GCNT2: variants seen among roughly 807,000 people sequenced by gnomAD.
GCNT2 encodes glucosaminyl (N-acetyl) transferase 2 (I blood group), also known as N-acetyllactosaminide beta-1,6-N-acetylglucosaminyl-transferase.
Under a neutral mutation model 34.2 loss-of-function variants are expected in GCNT2, and 34 were observed. The ratio of observed to expected loss-of-function variants is 1.00; its 90% CI spans 0.76 to 1.32. The LOEUF is 1.32. GCNT2 is among the 40% of genes most tolerant of loss of function. GCNT2 has a pLI of 0.00. For missense variants in GCNT2, 584 were observed against 489.4 expected, an observed-to-expected ratio of 1.19 and a Z score of -1.82; for synonymous variants, 212 against 188.0, an observed-to-expected ratio of 1.13 and a Z score of -1.04.
chr6:10,615,702 C>A lies in GCNT2; in HGVS notation c.926-5649C>A, dbSNP rs937310634. Among the ~76,000 whole-genome samples, 6 of 117,100 alleles carry A rather than the reference C, an allele frequency of 5.1e-5. No individual in the cohort carries two copies. In the South Asian group the frequency reaches 1.4e-3, roughly 28 times the overall value. The allele number at this position is 117,100 out of a possible 152,430, so 76.8% of individuals were successfully genotyped here. A position where few individuals can be genotyped will look rare whatever the true frequency, so the allele number is the denominator to read the frequency against. On this transcript the variant is annotated intron_variant, in intron 3 of 4. Coordinates refer to ENST00000495262, the MANE Select transcript of GCNT2 (RefSeq NM_145649.5). ...GTAAAGGAATAAAAGAATGGCCACT[C>A]CATAGACAGAGCAACCCCGAGGGCT...
At chr6:10,607,427 G>T (rs1051336933) in intron 3 of GCNT2, among the ~76,000 whole-genome samples, 3 of 152,184 alleles carry the variant, frequency 2.0e-5, no homozygotes, top group Non-Finnish European at 4.4e-5. Context: ...ATTCTATCAC[G>T]AGACAGCGCT....
At chr6:10,534,956 G>A (rs1016308659) in intron 3 of GCNT2, among the ~76,000 whole-genome samples, 1 of 152,160 alleles carries the variant, frequency 6.6e-6, no homozygotes, top group African/African-American at 2.4e-5. Flanking sequence ...AGCTGAGGTG[G>A]GCGGATCACC....
chr6:10,596,221 G>A (rs762889235), intron 3 of GCNT2, among the ~76,000 whole-genome samples: 3 of 152,080 alleles, frequency 2.0e-5, no homozygotes, highest in Non-Finnish European at 2.9e-5. Context: ...GGCAGAATGC[G>A]GTTTGTTAAG....
At chr6:10,562,656 GA>G (rs57868433) in intron 3 of GCNT2, among the ~76,000 whole-genome samples, 3,891 of 77,534 alleles carry the variant, frequency 0.05, 192 homozygotes, top group African/African-American at 0.16. Flanking sequence ...GAACTTCTCT[GA>G]AAAAAAAAAA....
At chr6:10,524,118 A>G (rs1761071545) in intron 1 of GCNT2, among the ~76,000 whole-genome samples, 1 of 152,134 alleles carries the variant, frequency 6.6e-6, no homozygotes, top group African/African-American at 2.4e-5. Flanking sequence ...TTGTTTTTCA[A>G]CAAACGGGTG....
chr6:10,595,378 C>T (rs910881240), intron 3 of GCNT2, among the ~76,000 whole-genome samples: 2 of 151,696 alleles, frequency 1.3e-5, no homozygotes, highest in African/African-American at 4.8e-5. Flanking sequence ...CCTGGGTTCA[C>T]GCCATTCTCC....
rs55639937 is a variant in GCNT2 at position 10,575,358 on chromosome 6, A to ATT, written c.925+45540_925+45541dup. 5.0e-3 allele frequency: 696 copies of ATT among 137,954 alleles called. 11 individuals are homozygous for ATT. The highest frequency in any genetic ancestry group is 0.034 in the Admixed American group (451 of 13,218). The allele number at this position is 137,954 out of a possible 1,614,324, so 8.5% of individuals were successfully genotyped here. A position where few individuals can be genotyped will look rare whatever the true frequency, so the allele number is the denominator to read the frequency against. The stretch of plus-strand genomic sequence containing the variant: ...GTTCTGGCCAAAAGGCTGGGTTGAC[A>ATT]TTTTTTTTTTTTTTTTTTTGGAGAT... On this transcript the variant is annotated intron_variant, in intron 3 of 4. Coordinates refer to ENST00000495262, the MANE Select transcript of GCNT2 (RefSeq NM_145649.5).
At chr6:10,546,678 ATTACTC>A (rs1762286087) in intron 3 of GCNT2, among the ~76,000 whole-genome samples, 2 of 152,052 alleles carry the variant, frequency 1.3e-5, no homozygotes, top group Non-Finnish European at 2.9e-5. Flanking sequence ...AAAAGAAAAT[ATTACTC>A]TTTGAAGATC....
At chr6:10,612,254 T>C (rs1765591370) in intron 3 of GCNT2, among the ~76,000 whole-genome samples, 1 of 152,224 alleles carries the variant, frequency 6.6e-6, no homozygotes, top group South Asian at 2.1e-4. Context: ...CCCAGAGTGC[T>C]GAGATTACAG....
intron 3 of GCNT2, among the ~76,000 whole-genome samples, chr6:10,572,121 C>T (rs149836834): frequency 0.01 from 1,544 of 152,246 alleles, 10 homozygotes; most frequent in Non-Finnish European, 0.015. Flanking sequence ...CTGGGCAAGC[C>T]GGGACAGTTG....
rs991142955 is a variant in GCNT2 at position 10,528,844 on chromosome 6, A to G, written c.-68A>G. ...TGATTTCGGAACCTGGAGAAAATGTAAGTTAAATATATCTACACTCTGATC... is the reference window on the plus strand; with the variant it reads ...TGATTTCGGAACCTGGAGAAAATGTGAGTTAAATATATCTACACTCTGATC... On this transcript the variant is annotated 5_prime_UTR_variant, in exon 3 of 5. An upstream open reading frame in the 5' UTR loses its in-frame stop. Coordinates refer to ENST00000495262, the MANE Select transcript of GCNT2 (RefSeq NM_145649.5). 4.7e-6 allele frequency: 6 copies of G among 1,280,530 alleles called. No homozygotes were observed. Among genetic ancestry groups the G allele is most frequent in the South Asian group, 3.6e-5 (3 of 84,214 alleles). The allele number at this position is 1,280,530 out of a possible 1,614,324, so 79.3% of individuals were successfully genotyped here.
intron 3 of GCNT2, among the ~76,000 whole-genome samples, chr6:10,538,007 A>T (rs1254960660): frequency 6.6e-6 from 1 of 152,108 alleles, no homozygotes; most frequent in South Asian, 2.1e-4. Context: ...ATCATGAGAG[A>T]GTATCCTACC....
intron 3 of GCNT2, among the ~76,000 whole-genome samples, chr6:10,593,097 T>C (rs1764719004): frequency 6.6e-6 from 1 of 152,148 alleles, no homozygotes; most frequent in Admixed American, 6.6e-5. Flanking sequence ...CAAGACAAAT[T>C]GGATTAAAGT....
At chr6:10,540,431 A>G (rs1581378950) in intron 3 of GCNT2, among the ~76,000 whole-genome samples, 1 of 152,006 alleles carries the variant, frequency 6.6e-6, no homozygotes, top group African/African-American at 2.4e-5. Context: ...GCTGCTTTAC[A>G]CTCCTGCAGA....
chr6:10,542,964 A>G (rs1203984255), intron 3 of GCNT2, among the ~76,000 whole-genome samples: 1 of 140,904 alleles, frequency 7.1e-6, no homozygotes, highest in African/African-American at 2.7e-5. Flanking sequence ...CTGGAGTGCA[A>G]TGCCATGATC....
chr6:10,555,936 C>T, intron 3 of GCNT2: 5 of 1,014,620 alleles, frequency 4.9e-6, no homozygotes, highest in Non-Finnish European at 5.9e-6. Context: ...GAGGGCAAGT[C>T]CAGCCGCCTG....
chr6:10,556,889 C>T (rs1304816497), intron 3 of GCNT2: 2 of 1,613,954 alleles, frequency 1.2e-6, no homozygotes, highest in East Asian at 4.5e-5. Context: ...CAAGATGGAA[C>T]CCGTTGTCTA....
At chr6:10,531,670 C>T (rs1021267251) in intron 3 of GCNT2, among the ~76,000 whole-genome samples, 1 of 152,132 alleles carries the variant, frequency 6.6e-6, no homozygotes, top group African/African-American at 2.4e-5. Flanking sequence ...GAAATTAGGG[C>T]TCAGGAAAGT....
chr6:10,578,920 G>C (rs954784703), intron 3 of GCNT2, among the ~76,000 whole-genome samples: 3 of 152,166 alleles, frequency 2.0e-5, no homozygotes, highest in African/African-American at 7.2e-5. Context: ...CGGAGAACTG[G>C]AAACTGTGTT....
Sources: allele counts gnomAD v4.1 joint callset (sites outside exome capture counted in the v4.1 genomes callset), GRCh38; gene constraint gnomAD v4.1.1; transcripts MANE v1.5; gene names NCBI Gene and HGNC (gene_info 2026-07-23, HGNC 2026-07-21).